The following UGCG variants were observed in gnomAD, a reference collection of about 807,000 sequenced individuals.
The protein encoded by UGCG is UDP-glucose ceramide glucosyltransferase, also known as ceramide glucosyltransferase.
UGCG carries 10 observed loss-of-function variants against 49.5 expected under a neutral mutation model. That is an observed-to-expected ratio of 0.20 (90% CI 0.12 to 0.34). The LOEUF (loss-of-function observed/expected upper bound fraction) is 0.34, where lower values mean the gene tolerates loss of function less well. Ranked by LOEUF, UGCG falls within the 10% of genes least tolerant of loss-of-function variation. The pLI is 1.00. For synonymous variants in UGCG, 182 were observed against 158.2 expected (o/e 1.15, Z -1.13); for missense variants, 312 against 483.7 (o/e 0.65, Z 3.33).
At chr9:111,920,465 A>G (rs62570261) in intron 2 of UGCG, among the ~76,000 whole-genome samples, 2,796 of 152,050 alleles carry the variant, frequency 0.018, 37 homozygotes, top group Non-Finnish European at 0.029. Flanking sequence ...TCCCAGGTTC[A>G]GGCGATTCTC....
At chr9:111,919,798 A>AC (rs1445103269) in intron 2 of UGCG, among the ~76,000 whole-genome samples, 2 of 150,976 alleles carry the variant, frequency 1.3e-5, no homozygotes, top group Admixed American at 6.6e-5. Context: ...CCATCTCAAA[A>AC]AAAAAAAAAA....
At chr9:111,926,041 C>A (rs1366973362) in intron 4 of UGCG, among the ~76,000 whole-genome samples, 1 of 152,170 alleles carries the variant, frequency 6.6e-6, no homozygotes, top group Admixed American at 6.5e-5. Flanking sequence ...GTCCTTTAGC[C>A]TCTGCTCCTG....
chr9:111,921,752 A>T (rs2118567765), intron 2 of UGCG, among the ~76,000 whole-genome samples: 1 of 150,014 alleles, frequency 6.7e-6, no homozygotes, highest in South Asian at 2.1e-4. Context: ...TCTGACTCAA[A>T]AGTCTAAAAT....
intron 1 of UGCG, among the ~76,000 whole-genome samples, chr9:111,907,772 G>A (rs1390202069): frequency 2.0e-5 from 3 of 151,942 alleles, no homozygotes; most frequent in East Asian, 1.9e-4. Context: ...TTACAGGCAC[G>A]TGAGGCCACA....
At chr9:111,899,662 T>C (rs541388060) in intron 1 of UGCG, among the ~76,000 whole-genome samples, 39 of 151,144 alleles carry the variant, frequency 2.6e-4, no homozygotes, top group African/African-American at 8.9e-4. Flanking sequence ...AACTCTGTTA[T>C]AATTTTTATA....
chr9:111,900,830 T>C (rs1017342256), intron 1 of UGCG, among the ~76,000 whole-genome samples: 5 of 152,166 alleles, frequency 3.3e-5, no homozygotes, highest in African/African-American at 1.2e-4. Flanking sequence ...AAGTTAATTC[T>C]GCTTTCTACA....
chr9:111,927,230 A>G (rs1017561806), intron 5 of UGCG, among the ~76,000 whole-genome samples: 1 of 152,200 alleles, frequency 6.6e-6, no homozygotes, highest in Non-Finnish European at 1.5e-5. Context: ...AAGAAAATGT[A>G]TTCATACAAG....
chr9:111,932,296 A>G lies in UGCG; in HGVS notation c.951A>G (p.Val317=), dbSNP rs1838440471. 2 of 1,614,010 alleles carry G rather than the reference A, an allele frequency of 1.2e-6. No homozygotes were observed. The highest frequency in any genetic ancestry group is 2.7e-5 in the African/African-American group (2 of 75,006). Reference sequence around the variant, plus strand: ...ATGTGTTCAGATGGGATATTATGGTATTTTTCATGTGTCATTGCCTGGCAT... The same window carrying G: ...ATGTGTTCAGATGGGATATTATGGTGTTTTTCATGTGTCATTGCCTGGCAT... ...AHHVFRWDIM[V]FFMCHCLAWF... is the part of the protein sequence containing the mutation. The change falls in exon 8 of 9, where the codon GTA becomes GTG. Residue 317 remains valine (V), a synonymous_variant. Transcript: ENST00000374279.
At chr9:111,919,874 C>T (rs1243945843) in intron 2 of UGCG, among the ~76,000 whole-genome samples, 3 of 151,964 alleles carry the variant, frequency 2.0e-5, no homozygotes, top group Non-Finnish European at 4.4e-5. Flanking sequence ...TGAGCAGCCT[C>T]CTATAGTAGG....
rs1412249599 is a variant in UGCG, at chr9:111,933,105, T to G, written c.*108T>G. 9.2e-7 allele frequency: 1 copy of G among 1,092,276 alleles called. No homozygotes were observed. Among genetic ancestry groups the G allele is most frequent in the Non-Finnish European group, 1.2e-6 (1 of 850,482 alleles). 67.7% of individuals were successfully genotyped at this position (1,092,276 alleles called of 1,614,324 possible). A position where few individuals can be genotyped will look rare whatever the true frequency, so the allele number is the denominator to read the frequency against. ...TCTGTAGTTTTATCACATGTATGTT[T>G]TGGTATCTGTTCTTTAATTTATTTT... is the stretch of plus-strand genomic sequence containing the variant. On this transcript the variant is annotated 3_prime_UTR_variant, in exon 9 of 9. Transcript: ENST00000374279.
chr9:111,929,354 C>G, intron 5 of UGCG, 146 bp from the exon 6 acceptor site: 1 of 781,666 alleles, frequency 1.3e-6, no homozygotes, highest in Non-Finnish European at 1.9e-6. Flanking sequence ...ATATTGTCTA[C>G]CACTTTTTAT....
At chr9:111,902,925 G>A (rs924469346) in intron 1 of UGCG, among the ~76,000 whole-genome samples, 2 of 152,032 alleles carry the variant, frequency 1.3e-5, no homozygotes, top group Non-Finnish European at 2.9e-5. Context: ...CTACAAGCAC[G>A]TGCCACCACA....
chr9:111,906,137 A>G (rs1255452175), intron 1 of UGCG, among the ~76,000 whole-genome samples: 1 of 152,130 alleles, frequency 6.6e-6, no homozygotes, highest in Non-Finnish European at 1.5e-5. Context: ...CATTATTTAT[A>G]CTACAAGTTG....
chr9:111,913,460 G>C (rs544534975), intron 1 of UGCG, among the ~76,000 whole-genome samples: 1 of 152,154 alleles, frequency 6.6e-6, no homozygotes, highest in African/African-American at 2.4e-5. Context: ...TTGAGACGGA[G>C]TCTCACTCTG....
chr9:111,929,277 T>C (rs914430666), intron 5 of UGCG: 3 of 392,066 alleles, frequency 7.7e-6, no homozygotes, highest in African/African-American at 6.3e-5. Flanking sequence ...TACCTTATTT[T>C]GTATCTAAAT....
chr9:111,912,253 A>G (rs1156992303), intron 1 of UGCG, among the ~76,000 whole-genome samples: 2 of 151,718 alleles, frequency 1.3e-5, no homozygotes, highest in African/African-American at 2.4e-5. Context: ...TATTTTCCAA[A>G]CTATCTATGG....
intron 1 of UGCG, among the ~76,000 whole-genome samples, chr9:111,900,141 G>A (rs1352523768): frequency 6.8e-6 from 1 of 147,314 alleles, no homozygotes; most frequent in African/African-American, 2.5e-5. Context: ...TTTTTTTAAT[G>A]GTAAGTGCTA....
intron 1 of UGCG, among the ~76,000 whole-genome samples, chr9:111,905,119 A>G (rs975483503): frequency 6.6e-6 from 1 of 152,020 alleles, no homozygotes; most frequent in Non-Finnish European, 1.5e-5. Context: ...CCTTTCACTC[A>G]CTGTCAGGTT....
chr9:111,908,644 G>A (rs1042833692), intron 1 of UGCG, among the ~76,000 whole-genome samples: 1 of 152,176 alleles, frequency 6.6e-6, no homozygotes, highest in Non-Finnish European at 1.5e-5. Context: ...ATTATAGGAA[G>A]GTAAGAACTG....
Sources: allele counts gnomAD v4.1 joint callset (sites outside exome capture counted in the v4.1 genomes callset), GRCh38; gene constraint gnomAD v4.1.1; transcripts MANE v1.5; gene names NCBI Gene and HGNC (gene_info 2026-07-23, HGNC 2026-07-21).